Variants in TASP1 observed in about 807,000 individuals in gnomAD.
TASP1 encodes threonine aspartase 1.
TASP1 carries 16 observed loss-of-function variants against 56.6 expected under a neutral mutation model. The observed-to-expected ratio is 0.28, with a 90% CI of 0.19 to 0.43. The LOEUF is 0.43. TASP1 is among the 20% of genes least tolerant of loss of function. The pLI is 1.00. For missense variants in TASP1, 393 were observed against 511.6 expected (o/e 0.77, Z 2.24); for synonymous variants, 179 against 184.2 (o/e 0.97, Z 0.23).
the TASP1 span, among the ~76,000 whole-genome samples, chr20:13,163,367 C>CAAAAAAAA: frequency 1.2e-4 from 11 of 90,060 alleles, no homozygotes; most frequent in South Asian, 3.5e-4. Flanking sequence ...GACGCTGTCT[C>CAAAAAAAA]AAAAAAAAAA....
chr20:13,620,338 C>A (rs2048668619), intron 4 of TASP1, among the ~76,000 whole-genome samples: 1 of 151,908 alleles, frequency 6.6e-6, no homozygotes, highest in East Asian at 1.9e-4. Flanking sequence ...GTCTCTTCCT[C>A]TTCCCCATGC....
At chr20:13,299,412 T>A in the TASP1 span, 2 of 1,611,182 alleles carry the variant, frequency 1.2e-6, no homozygotes, top group Non-Finnish European at 8.5e-7. This position sits in a 1 kb window ranked among gnomAD's most constrained non-coding sequence, Gnocchi z 5.8. Flanking sequence ...AGAGAGCCCC[T>A]CGGACGAGGA....
At chr20:13,289,992 G>A in the TASP1 span, among the ~76,000 whole-genome samples, 1 of 152,136 alleles carries the variant, frequency 6.6e-6, no homozygotes, top group South Asian at 2.1e-4. Flanking sequence ...AAGGAGAAAT[G>A]AAAGCACAAA....
At chr20:13,489,706 T>C (rs1568868042) in intron 10 of TASP1, among the ~76,000 whole-genome samples, 1 of 152,158 alleles carries the variant, frequency 6.6e-6, no homozygotes, top group South Asian at 2.1e-4. Flanking sequence ...CCTGCCGCTT[T>C]AGCAACGCAA....
At chr20:13,411,302 T>C (rs1239813642) in intron 13 of TASP1, among the ~76,000 whole-genome samples, 1 of 152,208 alleles carries the variant, frequency 6.6e-6, no homozygotes, top group East Asian at 1.9e-4. Context: ...CTATTTGGGC[T>C]CTTTTGGGGT....
the TASP1 span, chr20:13,126,796 T>C: frequency 3.2e-6 from 5 of 1,552,554 alleles, no homozygotes; most frequent in African/African-American, 5.5e-5. Flanking sequence ...GCTTCTCAAA[T>C]ACACACCTTT....
At chr20:13,454,285 G>T (rs1173334696) in intron 11 of TASP1, among the ~76,000 whole-genome samples, 2 of 152,088 alleles carry the variant, frequency 1.3e-5, no homozygotes, top group East Asian at 3.9e-4. Flanking sequence ...AGAATGATGG[G>T]GTGGGGATAG....
chr20:13,313,465 G>A, the TASP1 span, among the ~76,000 whole-genome samples: 1 of 152,154 alleles, frequency 6.6e-6, no homozygotes, highest in Non-Finnish European at 1.5e-5. Context: ...AGTCAATTGG[G>A]CTGTTTCTGC....
intron 11 of TASP1, among the ~76,000 whole-genome samples, chr20:13,474,863 A>C (rs576208445): frequency 6.6e-6 from 1 of 152,174 alleles, no homozygotes; most frequent in Non-Finnish European, 1.5e-5. Context: ...CTGTGGTTTT[A>C]ATTTGCATTT....
chr20:13,272,109 C>T, the TASP1 span, among the ~76,000 whole-genome samples: 2 of 152,138 alleles, frequency 1.3e-5, no homozygotes, highest in Admixed American at 1.3e-4. Context: ...CCAATTCTTT[C>T]TATTTGTATA....
At chr20:13,221,255 CCTCCTCCTTCTCCTT>C in the TASP1 span, among the ~76,000 whole-genome samples, 1 of 131,144 alleles carries the variant, frequency 7.6e-6, no homozygotes, top group Non-Finnish European at 1.5e-5. Flanking sequence ...TCCTCCTCCT[CCTCCTCCTTCTCCTT>C]CTCCTCCTCC....
chr20:13,363,751 TAATGTCC>T, the TASP1 span, among the ~76,000 whole-genome samples: 1 of 152,226 alleles, frequency 6.6e-6, no homozygotes, highest in Non-Finnish European at 1.5e-5. Context: ...GACACCTAGT[TAATGTCC>T]AATGCAGAAT....
chr20:13,151,985 TA>T, the TASP1 span, among the ~76,000 whole-genome samples: 30 of 147,484 alleles, frequency 2.0e-4, no homozygotes, highest in African/African-American at 5.5e-4. Flanking sequence ...CTGCCTCTAC[TA>T]AAAAAAAAAG....
At chr20:13,321,735 T>C in the TASP1 span, among the ~76,000 whole-genome samples, 1 of 152,244 alleles carries the variant, frequency 6.6e-6, no homozygotes, top group African/African-American at 2.4e-5. Context: ...TAACTATTTT[T>C]CACATGTATG....
chr20:13,494,823 T>C (rs2043662365), intron 10 of TASP1, among the ~76,000 whole-genome samples: 1 of 152,014 alleles, frequency 6.6e-6, no homozygotes, highest in Admixed American at 6.6e-5. Flanking sequence ...TACTAACACT[T>C]AGGACTGTAG....
the TASP1 span, among the ~76,000 whole-genome samples, chr20:13,369,726 A>G: frequency 2.6e-5 from 4 of 152,382 alleles, no homozygotes; most frequent in East Asian, 1.9e-4. Context: ...AGTGCAATGC[A>G]AATCATAATG....
At chr20:13,366,565 G>A in the TASP1 span, among the ~76,000 whole-genome samples, 1 of 152,134 alleles carries the variant, frequency 6.6e-6, no homozygotes, top group South Asian at 2.1e-4. Flanking sequence ...TATTTATTGT[G>A]ATTAAGTCTT....
intron 12 of TASP1, among the ~76,000 whole-genome samples, chr20:13,422,086 G>A (rs968450793): frequency 1.3e-5 from 2 of 150,946 alleles, no homozygotes; most frequent in Non-Finnish European, 2.9e-5. Flanking sequence ...CTAGTAGCTC[G>A]GACTACAGGC....
the TASP1 span, among the ~76,000 whole-genome samples, chr20:13,137,367 G>C: frequency 6.6e-6 from 1 of 152,154 alleles, no homozygotes; most frequent in Admixed American, 6.5e-5. Flanking sequence ...CAGCTAATGG[G>C]ATGCTCCTCT....
Sources: allele counts gnomAD v4.1 joint callset (sites outside exome capture counted in the v4.1 genomes callset), GRCh38; gene constraint gnomAD v4.1.1; non-coding constraint Gnocchi (gnomAD v3.1); transcripts MANE v1.5; gene names NCBI Gene and HGNC (gene_info 2026-07-23, HGNC 2026-07-21).